Variants in CSMD3 observed in about 807,000 individuals in gnomAD.
The protein encoded by CSMD3 is CUB and sushi domain-containing protein 3.
CSMD3 carries 177 observed loss-of-function variants against 435.2 expected under a neutral mutation model. That is an observed-to-expected ratio of 0.41 (90% CI 0.36 to 0.46). The LOEUF (loss-of-function observed/expected upper bound fraction) is 0.46, where lower values mean the gene tolerates loss of function less well. CSMD3 is among the 20% of genes least tolerant of loss of function. CSMD3 has a pLI of 0.34. For synonymous variants in CSMD3, 1,656 were observed against 1,520.5 expected, an observed-to-expected ratio of 1.09 and a Z score of -2.07; for missense variants, 4,265 against 4,504.6, an observed-to-expected ratio of 0.95 and a Z score of 1.52.
At chr8:112,594,143 A>G (rs546516896) in intron 22 of CSMD3, among the ~76,000 whole-genome samples, 3 of 152,244 alleles carry the variant, frequency 2.0e-5, no homozygotes, top group Admixed American at 6.5e-5. Context: ...GACAGTGGGC[A>G]CAGGTCAGTG....
chr8:113,192,375 G>T (rs986134293), intron 3 of CSMD3, among the ~76,000 whole-genome samples: 2 of 151,236 alleles, frequency 1.3e-5, no homozygotes, highest in African/African-American at 4.9e-5. Flanking sequence ...ATGCTTGCTG[G>T]GTCTAGCACC....
chr8:112,894,607 A>T (rs886962603), intron 10 of CSMD3, among the ~76,000 whole-genome samples: 6 of 151,352 alleles, frequency 4.0e-5, no homozygotes, highest in African/African-American at 1.5e-4. Context: ...ATAGACAGAA[A>T]TATTAGTATA....
At chr8:112,665,661 A>T (rs1288051873) in intron 17 of CSMD3, among the ~76,000 whole-genome samples, 1 of 152,188 alleles carries the variant, frequency 6.6e-6, no homozygotes, top group Non-Finnish European at 1.5e-5. Context: ...TTATATAGAT[A>T]AATCTATTTT....
chr8:113,302,952 G>T (rs541472738), intron 2 of CSMD3, among the ~76,000 whole-genome samples: 1 of 127,824 alleles, frequency 7.8e-6, no homozygotes, highest in Non-Finnish European at 1.6e-5. Flanking sequence ...ATTCAATTAG[G>T]AAAAGAGGAA....
intron 13 of CSMD3, among the ~76,000 whole-genome samples, chr8:112,773,001 G>T (rs1356840342): frequency 1.3e-5 from 2 of 151,944 alleles, no homozygotes; most frequent in Admixed American, 6.6e-5. Flanking sequence ...GCCGGTCCCA[G>T]CACAGGTCCT....
chr8:113,090,177 G>C (rs754667190), intron 5 of CSMD3, among the ~76,000 whole-genome samples: 1 of 151,902 alleles, frequency 6.6e-6, no homozygotes, highest in African/African-American at 2.4e-5. Flanking sequence ...TAAAATATTT[G>C]CCTGTAAGCA....
chr8:112,989,449 A>G (rs373853391), intron 6 of CSMD3, among the ~76,000 whole-genome samples: 6 of 152,068 alleles, frequency 3.9e-5, no homozygotes, highest in African/African-American at 1.4e-4. Flanking sequence ...ATTTCATTCA[A>G]TGAATACTAC....
chr8:112,512,657 G>A (rs1823255161), intron 28 of CSMD3, among the ~76,000 whole-genome samples: 1 of 152,092 alleles, frequency 6.6e-6, no homozygotes, highest in African/African-American at 2.4e-5. Context: ...ATGAGCACTG[G>A]TTTTATTTTA....
At chr8:113,362,862 C>CA (rs1252012357) in intron 1 of CSMD3, among the ~76,000 whole-genome samples, 2 of 152,192 alleles carry the variant, frequency 1.3e-5, no homozygotes, top group East Asian at 3.9e-4. Flanking sequence ...TCCTGCCTGA[C>CA]AAAAATGGTA....
intron 3 of CSMD3, among the ~76,000 whole-genome samples, chr8:113,259,619 C>A (rs1311053248): frequency 6.6e-6 from 1 of 151,576 alleles, no homozygotes; most frequent in Non-Finnish European, 1.5e-5. Flanking sequence ...ATTCTAATAT[C>A]TAGAAATAAA....
Position 112,287,154 on chromosome 8 carries a change from C to T in CSMD3, c.9241G>A (p.Ala3081Thr), listed in dbSNP as rs756865555. ...TGAAGGATGTAACCAGTATCACAAGCATAACGTACAGTACTTTTAGTTCTG... is the reference window on the plus strand; with the variant it reads ...TGAAGGATGTAACCAGTATCACAAGTATAACGTACAGTACTTTTAGTTCTG... Reference protein sequence around the residue: ...NFRTKSTVRYACDTGYILHGS... With the variant: ...NFRTKSTVRYTCDTGYILHGS... The change falls in exon 58 of 71, where the codon GCT (alanine) becomes ACT (threonine). Residue 3081 changes from alanine (A) to threonine (T), a missense_variant. Coordinates refer to ENST00000297405, the MANE Select transcript of CSMD3 (RefSeq NM_198123.2). The T allele has an allele frequency of 6.2e-7, 1 of 1,613,754 alleles. No individual in the cohort carries two copies. Among genetic ancestry groups the T allele is most frequent in the Non-Finnish European group, 8.5e-7 (1 of 1,179,808 alleles).
At chr8:113,077,917 A>T (rs2089411408) in intron 5 of CSMD3, among the ~76,000 whole-genome samples, 1 of 152,232 alleles carries the variant, frequency 6.6e-6, no homozygotes. Context: ...CAGTCAAGTG[A>T]TCTTATAGTA....
intron 35 of CSMD3, among the ~76,000 whole-genome samples, chr8:112,396,238 TA>T: frequency 6.6e-6 from 1 of 152,318 alleles, no homozygotes; most frequent in East Asian, 1.9e-4. Context: ...TAGAAAGCAG[TA>T]TTGTTTTGCT....
chr8:113,061,016 TTGAGA>T (rs2088589817), intron 5 of CSMD3, among the ~76,000 whole-genome samples: 1 of 152,188 alleles, frequency 6.6e-6, no homozygotes. Context: ...CTGCACTCTA[TTGAGA>T]TAAGTCAGAT....
chr8:112,722,244 G>A lies in CSMD3; in HGVS notation c.1973-32194C>T, dbSNP rs2076874122. Among the ~76,000 whole-genome samples the A allele has an allele frequency of 2.0e-5, 3 of 150,692 alleles. No individual in the cohort carries two copies. In the South Asian group the frequency reaches 6.3e-4, roughly 32 times the overall value. ...GTTCCAGAGGAAAAGATACCAAAGA[G>A]ACATAACAAACAAATGCAATGAGTG... On this transcript the variant is annotated intron_variant, in intron 13 of 70. Coordinates refer to ENST00000297405, the MANE Select transcript of CSMD3 (RefSeq NM_198123.2).
At chr8:112,973,286 A>T (rs1449711724) in intron 7 of CSMD3, among the ~76,000 whole-genome samples, 1 of 149,274 alleles carries the variant, frequency 6.7e-6, no homozygotes, top group East Asian at 1.9e-4. Context: ...TGAAATATCT[A>T]AAAAAATTAA....
At chr8:112,295,061 T>C (rs959167073) in intron 54 of CSMD3, among the ~76,000 whole-genome samples, 1 of 152,110 alleles carries the variant, frequency 6.6e-6, no homozygotes, top group Non-Finnish European at 1.5e-5. Context: ...TCTGCTACTC[T>C]TTCTCCCTAG....
rs568236847 is a variant in CSMD3, at chr8:112,864,360, T to C, written c.1634-5094A>G. On this transcript the variant is annotated intron_variant, in intron 10 of 70. Transcript: ENST00000297405. ...ACCTCCCAGGTTCAAGCGATTCTCC[T>C]GCCTCAGTCTTCCAAGTATCTGGAA... Among the ~76,000 whole-genome samples, 223 of 152,178 alleles carry C rather than the reference T, an allele frequency of 1.5e-3. 6 individuals carry two copies. Among genetic ancestry groups the C allele is most frequent in the Admixed American group, 0.013 (204 of 15,278 alleles).
At chr8:112,513,257 A>G (rs1407337885) in intron 28 of CSMD3, among the ~76,000 whole-genome samples, 1 of 152,192 alleles carries the variant, frequency 6.6e-6, no homozygotes, top group Non-Finnish European at 1.5e-5. Context: ...TGGGCTTTCA[A>G]CTGGCCTTCC....
Sources: allele counts gnomAD v4.1 joint callset (sites outside exome capture counted in the v4.1 genomes callset), GRCh38; gene constraint gnomAD v4.1.1; transcripts MANE v1.5; gene names NCBI Gene and HGNC (gene_info 2026-07-23, HGNC 2026-07-21).